The following SLC4A10 variants were observed in gnomAD, a reference collection of about 807,000 sequenced individuals.
SLC4A10 encodes the protein solute carrier family 4 member 10.
Under a neutral mutation model 137.7 loss-of-function variants are expected in SLC4A10, and 42 were observed. The ratio of observed to expected loss-of-function variants is 0.30; its 90% CI spans 0.24 to 0.39. The LOEUF (loss-of-function observed/expected upper bound fraction) is 0.39, where lower values mean the gene tolerates loss of function less well. Among genes scored for constraint, SLC4A10 ranks in the 10% least tolerant of loss-of-function variants. The pLI is 1.00. For missense variants in SLC4A10, 925 were observed against 1,355.0 expected (o/e 0.68, Z 4.98); for synonymous variants, 474 against 464.1 (o/e 1.02, Z -0.27).
At chr2:161,926,469 G>A (rs1421607455) in intron 15 of SLC4A10, among the ~76,000 whole-genome samples, 1 of 147,598 alleles carries the variant, frequency 6.8e-6, no homozygotes, top group African/African-American at 2.5e-5. Context: ...CGTGTGATGG[G>A]TTTCCTGAAT....
chr2:161,778,378 A>G (rs1256424922), intron 2 of SLC4A10, among the ~76,000 whole-genome samples: 1 of 151,960 alleles, frequency 6.6e-6, no homozygotes, highest in Non-Finnish European at 1.5e-5. Context: ...TGTTTTACAT[A>G]TCTATATGTC....
At chr2:161,964,419 G>A in intron 22 of SLC4A10, 111 bp downstream of exon 22, 2 of 1,199,572 alleles carry the variant, frequency 1.7e-6, no homozygotes, top group Non-Finnish European at 2.4e-6. Context: ...AACAATTATT[G>A]GAAAATATAA....
At chr2:161,701,385 C>A (rs2043105765) in intron 1 of SLC4A10, among the ~76,000 whole-genome samples, 1 of 151,816 alleles carries the variant, frequency 6.6e-6, no homozygotes, top group South Asian at 2.1e-4. Flanking sequence ...TGTAGTGTTG[C>A]CAAAATTGCA....
At chr2:161,942,650 G>T (rs1692927184) in intron 15 of SLC4A10, 142 bp from the exon 16 acceptor site, 8 of 622,884 alleles carry the variant, frequency 1.3e-5, no homozygotes, top group South Asian at 2.0e-5. Context: ...GTCTGTTGTG[G>T]AGTAGTTTAG....
At chr2:161,926,635 T>G (rs1011026792) in intron 15 of SLC4A10, among the ~76,000 whole-genome samples, 1 of 141,802 alleles carries the variant, frequency 7.1e-6, no homozygotes, top group African/African-American at 2.5e-5. Context: ...TGTTACTTGA[T>G]GCAGTTACTT....
At chr2:161,901,068 C>A in intron 12 of SLC4A10, 57 bp downstream of exon 12, 1 of 1,303,928 alleles carries the variant, frequency 7.7e-7, no homozygotes, top group Non-Finnish European at 1.1e-6. Flanking sequence ...CCATTCTTCT[C>A]TGTCAGAAAT....
At chr2:161,759,155 C>T (rs754138653) in intron 1 of SLC4A10, among the ~76,000 whole-genome samples, 2 of 151,770 alleles carry the variant, frequency 1.3e-5, no homozygotes, top group Non-Finnish European at 2.9e-5. Context: ...GAAATTTTCT[C>T]AGTTTCTGTT....
intron 24 of SLC4A10, 81 bp from the exon 25 acceptor site, chr2:161,976,679 C>A: frequency 1.6e-6 from 1 of 607,286 alleles, no homozygotes; most frequent in Non-Finnish European, 2.8e-6. Flanking sequence ...ATATGATTGC[C>A]CTATATTTAG....
chr2:161,721,106 G>A (rs1189854737), intron 1 of SLC4A10, among the ~76,000 whole-genome samples: 4 of 152,156 alleles, frequency 2.6e-5, no homozygotes, highest in Non-Finnish European at 4.4e-5. Context: ...TTGGATTACA[G>A]GCATGAGCCA....
At chr2:161,722,573 C>T (rs2045798885) in intron 1 of SLC4A10, among the ~76,000 whole-genome samples, 1 of 152,278 alleles carries the variant, frequency 6.6e-6, no homozygotes, top group East Asian at 1.9e-4. Flanking sequence ...CAGAGGAGCA[C>T]CAACCTGATG....
chr2:161,664,474 A>G (rs1428651393), intron 1 of SLC4A10, among the ~76,000 whole-genome samples: 2 of 152,052 alleles, frequency 1.3e-5, no homozygotes, highest in South Asian at 2.1e-4. Flanking sequence ...AGGAGCTATT[A>G]TGCATTCTGT....
At chr2:161,884,788 G>A (rs1184686782) in intron 10 of SLC4A10, among the ~76,000 whole-genome samples, 1 of 152,196 alleles carries the variant, frequency 6.6e-6, no homozygotes, top group East Asian at 1.9e-4. Context: ...ATCAAAGAAT[G>A]TTTAAATATT....
chr2:161,845,918 G>A (rs1263118142), intron 4 of SLC4A10, among the ~76,000 whole-genome samples: 1 of 152,044 alleles, frequency 6.6e-6, no homozygotes, highest in Non-Finnish European at 1.5e-5. Flanking sequence ...CCTAGGGCTA[G>A]GTGGCAAGTT....
intron 9 of SLC4A10, among the ~76,000 whole-genome samples, chr2:161,881,329 C>A (rs1373661579): frequency 1.3e-5 from 2 of 151,922 alleles, no homozygotes; most frequent in African/African-American, 4.8e-5. Context: ...CACCTGCTAC[C>A]GAATTAAACC....
chr2:161,809,393 G>T (rs1575070045), intron 3 of SLC4A10, among the ~76,000 whole-genome samples: 1 of 152,030 alleles, frequency 6.6e-6, no homozygotes, highest in Non-Finnish European at 1.5e-5. Context: ...GGTCCCACTT[G>T]TCAATTTTTG....
At chr2:161,927,214 T>G (rs1303480273) in intron 15 of SLC4A10, among the ~76,000 whole-genome samples, 1 of 152,190 alleles carries the variant, frequency 6.6e-6, no homozygotes, top group Admixed American at 6.6e-5. Context: ...CGTAGATTTG[T>G]TCTTTTCACA....
chr2:161,948,524 A>G (rs956299423), intron 17 of SLC4A10, among the ~76,000 whole-genome samples: 9 of 152,122 alleles, frequency 5.9e-5, no homozygotes, highest in African/African-American at 2.2e-4. Context: ...GTATGTCATA[A>G]AGGCATCTTA....
chr2:161,838,886 TC>T (rs1197719752), intron 3 of SLC4A10, among the ~76,000 whole-genome samples: 15 of 152,196 alleles, frequency 9.9e-5, no homozygotes, highest in Admixed American at 4.6e-4. Context: ...GTACAGCCAT[TC>T]TGGAAAGCAG....
At chr2:161,664,756 G>C (rs2038857122) in intron 1 of SLC4A10, among the ~76,000 whole-genome samples, 1 of 150,520 alleles carries the variant, frequency 6.6e-6, no homozygotes, top group Admixed American at 6.6e-5. Context: ...TATAACATTA[G>C]AGAATTATAT....
Sources: gnomAD v4.1 joint callset for allele counts (sites outside exome capture counted in the v4.1 genomes callset) on GRCh38, gnomAD v4.1.1 for gene constraint, MANE v1.5 for transcripts, NCBI Gene and HGNC (gene_info 2026-07-23, HGNC 2026-07-21) for gene names.